Variants in XIRP2 observed in about 807,000 individuals in gnomAD.
XIRP2 encodes xin actin-binding repeat-containing protein 2.
In XIRP2, 236 loss-of-function variants were observed where a neutral mutation model predicts 277.0. That is an observed-to-expected ratio of 0.85 (90% CI 0.77 to 0.95). The LOEUF is 0.95. Among genes scored for constraint, XIRP2 ranks in the 40% least tolerant of loss-of-function variants. The pLI, the probability that XIRP2 is intolerant of heterozygous loss-of-function variation, is 0.00. For missense variants in XIRP2, 4,640 were observed against 4,157.5 expected, an observed-to-expected ratio of 1.12 and a Z score of -3.19; for synonymous variants, 1,490 against 1,416.5, an observed-to-expected ratio of 1.05 and a Z score of -1.17.
chr2:166,903,365 G>A (rs1036033366), intron 1 of XIRP2, 100 bp from the exon 2 acceptor site: 5 of 1,234,864 alleles, frequency 4.0e-6, no homozygotes, highest in Admixed American at 2.6e-5. Flanking sequence ...TCTTTACTAA[G>A]ACCCAAACCC....
At position 166,945,354 on chromosome 2, in the gene XIRP2, G is replaced by A. The variant is rs912873508; in HGVS notation, c.408+41464G>A. ...ATGTCTTACAGGAATCTCCAAATCC[G>A]TTGTAGGACATTTTAACAATTACTT... On this transcript the variant is annotated intron_variant, in intron 2 of 10. Coordinates refer to ENST00000409195, the MANE Select transcript of XIRP2 (RefSeq NM_152381.6). Among the ~76,000 whole-genome samples the A allele has an allele frequency of 3.9e-5, 6 of 151,982 alleles. No homozygotes were observed. The Middle Eastern group carries it at 0.01, about 260-fold the overall frequency.
chr2:167,246,696 A>G lies in XIRP2; in HGVS notation c.5304A>G (p.Thr1768=), dbSNP rs775529913. ...LKQLHTESNE[T]LTAKKQEGEK... Reference sequence around the variant, plus strand: ...AACTCCACACAGAGTCAAATGAAACACTGACAGCTAAGAAACAAGAAGGAG... The same window carrying G: ...AACTCCACACAGAGTCAAATGAAACGCTGACAGCTAAGAAACAAGAAGGAG... The change falls in exon 9 of 11, where the codon ACA becomes ACG. Residue 1768 remains threonine (T), a synonymous_variant. Transcript: ENST00000409195. The G allele has an allele frequency of 2.5e-6, 4 of 1,613,624 alleles. No individual in the cohort carries two copies. The African/African-American group carries it at 4.0e-5, about 16-fold the overall frequency.
At chr2:166,978,718 C>A (rs1049029302) in intron 2 of XIRP2, among the ~76,000 whole-genome samples, 1 of 152,126 alleles carries the variant, frequency 6.6e-6, no homozygotes, top group Non-Finnish European at 1.5e-5. Flanking sequence ...CATGGTGGCT[C>A]ACGCCTGTAA....
intron 1 of XIRP2, among the ~76,000 whole-genome samples, chr2:166,898,124 T>C (rs1684291402): frequency 6.6e-6 from 1 of 152,116 alleles, no homozygotes; most frequent in African/African-American, 2.4e-5. Flanking sequence ...GTTCTCATGC[T>C]CATGACTGCT....
chr2:166,901,797 A>T (rs1232965089), intron 1 of XIRP2, among the ~76,000 whole-genome samples: 2 of 152,102 alleles, frequency 1.3e-5, no homozygotes, highest in Admixed American at 6.6e-5. Context: ...ATAATAAGTG[A>T]CTAATTCAAA....
chr2:167,132,419 A>G (rs1472653525), intron 2 of XIRP2, among the ~76,000 whole-genome samples: 2 of 152,142 alleles, frequency 1.3e-5, no homozygotes, highest in Non-Finnish European at 2.9e-5. Flanking sequence ...CTGGTTCAAA[A>G]TATTAACAGT....
At chr2:167,136,267 A>C (rs1338344157) in intron 3 of XIRP2, among the ~76,000 whole-genome samples, 4 of 152,186 alleles carry the variant, frequency 2.6e-5, no homozygotes, top group Non-Finnish European at 5.9e-5. Flanking sequence ...TTTTAAAACT[A>C]AATAGAATAT....
At chr2:166,925,963 A>G (rs1361974607) in intron 2 of XIRP2, among the ~76,000 whole-genome samples, 1 of 151,802 alleles carries the variant, frequency 6.6e-6, no homozygotes, top group Non-Finnish European at 1.5e-5. Flanking sequence ...AGTCCCATCT[A>G]CTTGAGAGGT....
chr2:167,026,591 A>G (rs1340287622), intron 2 of XIRP2, among the ~76,000 whole-genome samples: 1 of 152,124 alleles, frequency 6.6e-6, no homozygotes, highest in African/African-American at 2.4e-5. Context: ...AGTGGCTGGT[A>G]CCAGTTGTTC....
intron 2 of XIRP2, among the ~76,000 whole-genome samples, chr2:167,011,495 T>G (rs1309615627): frequency 6.6e-6 from 1 of 151,932 alleles, no homozygotes; most frequent in African/African-American, 2.4e-5. Context: ...TGAGGATTTT[T>G]GCATCAATAT....
At chr2:167,198,349 T>A (rs1693581463) in intron 3 of XIRP2, among the ~76,000 whole-genome samples, 1 of 152,268 alleles carries the variant, frequency 6.6e-6, no homozygotes, top group East Asian at 1.9e-4. Flanking sequence ...TTATTATAGT[T>A]TTAATATGTA....
chr2:166,909,455 C>T (rs918100105), intron 2 of XIRP2, among the ~76,000 whole-genome samples: 19 of 152,176 alleles, frequency 1.2e-4, no homozygotes, highest in East Asian at 7.7e-4. Flanking sequence ...GTGATTTTTG[C>T]ACATTGATTT....
At chr2:166,929,253 A>G (rs1363721888) in intron 2 of XIRP2, among the ~76,000 whole-genome samples, 1 of 152,094 alleles carries the variant, frequency 6.6e-6, no homozygotes, top group Non-Finnish European at 1.5e-5. Flanking sequence ...TAGACCAGAT[A>G]TGTTTTCCAC....
intron 2 of XIRP2, among the ~76,000 whole-genome samples, chr2:166,967,199 TA>T (rs1686455787): frequency 6.6e-6 from 1 of 151,924 alleles, no homozygotes; most frequent in African/African-American, 2.4e-5. Flanking sequence ...ATAAATAAAA[TA>T]AAACGTTTGC....
intron 2 of XIRP2, among the ~76,000 whole-genome samples, chr2:166,913,558 G>T (rs1684778217): frequency 6.6e-6 from 1 of 152,170 alleles, no homozygotes; most frequent in Non-Finnish European, 1.5e-5. Context: ...AGTTTTAAGA[G>T]AGAAAGTAGG....
chr2:167,242,712 A>C lies in XIRP2; in HGVS notation c.1320A>C (p.Gln440His). 6.2e-7 allele frequency: 1 copy of C among 1,614,114 alleles called. No individual in the cohort carries two copies. The highest frequency in any genetic ancestry group is 8.5e-7 in the Non-Finnish European group (1 of 1,180,000). Residue 440 changes from glutamine to histidine, a missense_variant, in exon 9 of 11, where the codon CAA (glutamine) becomes CAC (histidine). Transcript: ENST00000409195. Reference protein sequence around the residue: ...DHSVTSSTLAQINATSSGMTE... With the variant: ...DHSVTSSTLAHINATSSGMTE... The stretch of plus-strand genomic sequence containing the variant: ...GTGTCACTTCCTCAACTCTGGCACA[A>C]ATTAATGCTACTTCTTCAGGAATGA...
chr2:167,119,545 A>T (rs1165433088), intron 2 of XIRP2, among the ~76,000 whole-genome samples: 1 of 152,160 alleles, frequency 6.6e-6, no homozygotes, highest in Non-Finnish European at 1.5e-5. Flanking sequence ...CCTATAAGTG[A>T]TTGTACCAGA....
chr2:167,076,174 T>C (rs2105256391), intron 2 of XIRP2, among the ~76,000 whole-genome samples: 1 of 152,332 alleles, frequency 6.6e-6, no homozygotes, highest in Non-Finnish European at 1.5e-5. Context: ...TTCTATTTTT[T>C]TCTAAAATGT....
chr2:166,928,388 C>T (rs919631884), intron 2 of XIRP2, among the ~76,000 whole-genome samples: 1 of 152,060 alleles, frequency 6.6e-6, no homozygotes, highest in Non-Finnish European at 1.5e-5. Context: ...AAGGAGGTCC[C>T]ACTATTAGGC....
Sources: gnomAD v4.1 joint callset for allele counts (sites outside exome capture counted in the v4.1 genomes callset) on GRCh38, gnomAD v4.1.1 for gene constraint, MANE v1.5 for transcripts, NCBI Gene and HGNC (gene_info 2026-07-23, HGNC 2026-07-21) for gene names.